SEMA5B: variants seen among roughly 807,000 people sequenced by gnomAD.
SEMA5B encodes the protein semaphorin-5B.
SEMA5B carries 66 observed loss-of-function variants against 135.0 expected under a neutral mutation model. The observed-to-expected ratio is 0.49, with a 90% CI of 0.40 to 0.60. SEMA5B has a LOEUF of 0.60. SEMA5B is among the 20% of genes least tolerant of loss of function. The probability of loss-of-function intolerance (pLI) is 0.00; values close to 1 mark genes in which losing one functional copy is unlikely to be tolerated. For missense variants in SEMA5B, 1,501 were observed against 1,566.3 expected, an observed-to-expected ratio of 0.96 and a Z score of 0.70; for synonymous variants, 690 against 639.5, an observed-to-expected ratio of 1.08 and a Z score of -1.19.
At position 122,909,859 on chromosome 3, in the gene SEMA5B, C is replaced by A. The variant is rs1299622124; in HGVS notation, c.*284G>T. 2.9e-6 allele frequency: 1 copy of A among 350,476 alleles called. No individual in the cohort carries two copies. Among genetic ancestry groups the A allele is most frequent in the Non-Finnish European group, 5.2e-6 (1 of 193,290 alleles). The allele number at this position is 350,476 out of a possible 1,614,324, so 21.7% of individuals were successfully genotyped here. ...CCTCAAATGCCCAGTAGGTCCACAG[C>A]CCAGGCATGGCAGCATAGTGTCAGC... On this transcript the variant is annotated 3_prime_UTR_variant, in exon 23 of 23. Transcript: ENST00000357599.
intron 1 of SEMA5B, among the ~76,000 whole-genome samples, chr3:123,003,970 G>A (rs1263393724): frequency 6.6e-6 from 1 of 152,124 alleles, no homozygotes; most frequent in African/African-American, 2.4e-5. Context: ...GCTCTTTATT[G>A]ACAAAGAGGA....
chr3:122,935,733 C>G, intron 5 of SEMA5B, among the ~76,000 whole-genome samples: 1 of 108,032 alleles, frequency 9.3e-6, no homozygotes, highest in East Asian at 2.8e-4. Context: ...CTTTGTTGCC[C>G]AGGCTGGGGT....
chr3:122,993,572 CAA>C (rs1226230766), intron 1 of SEMA5B, among the ~76,000 whole-genome samples: 3 of 151,954 alleles, frequency 2.0e-5, no homozygotes, highest in Non-Finnish European at 4.4e-5. Flanking sequence ...TGCATGTGAG[CAA>C]GAGAGGAGGG....
At chr3:122,978,602 G>A (rs1941415013) in intron 1 of SEMA5B, among the ~76,000 whole-genome samples, 1 of 150,814 alleles carries the variant, frequency 6.6e-6, no homozygotes, top group African/African-American at 2.4e-5. Flanking sequence ...CTCGGTGGTG[G>A]GTTAGGTCCA....
At chr3:123,016,075 AG>A (rs1241433114) in intron 1 of SEMA5B, among the ~76,000 whole-genome samples, 1 of 152,082 alleles carries the variant, frequency 6.6e-6, no homozygotes, top group African/African-American at 2.4e-5. Flanking sequence ...CAGGAGGATG[AG>A]GGGTGGGAAG....
At chr3:123,019,302 AAAT>A (rs2107823259) in intron 1 of SEMA5B, among the ~76,000 whole-genome samples, 1 of 152,320 alleles carries the variant, frequency 6.6e-6, no homozygotes, top group South Asian at 2.1e-4. Flanking sequence ...GTGGAGATAA[AAAT>A]AATATGTGGG....
chr3:122,915,120 C>T (rs1937996887), intron 14 of SEMA5B, among the ~76,000 whole-genome samples: 1 of 152,194 alleles, frequency 6.6e-6, no homozygotes, highest in African/African-American at 2.4e-5. Flanking sequence ...CTTGCCTTGC[C>T]ATCATCCCAT....
chr3:122,976,003 G>T (rs749725058), intron 1 of SEMA5B: 3 of 1,534,412 alleles, frequency 2.0e-6, no homozygotes, highest in East Asian at 4.9e-5. Context: ...TGCCCACCTC[G>T]ATCCCTTCGC....
At chr3:122,943,324 G>A (rs944070881) in intron 4 of SEMA5B, 112 bp downstream of exon 4, 1 of 704,280 alleles carries the variant, frequency 1.4e-6, no homozygotes, top group East Asian at 2.7e-5. Context: ...CCAGCAGAGA[G>A]GATGGGGCCC....
At chr3:122,921,835 G>T in intron 12 of SEMA5B, 80 bp downstream of exon 12, 2 of 1,245,726 alleles carry the variant, frequency 1.6e-6, no homozygotes, top group Non-Finnish European at 2.2e-6. Context: ...ACCGACCCCA[G>T]GTCTCCCGGG....
At chr3:122,987,540 A>G (rs1442880346) in intron 1 of SEMA5B, among the ~76,000 whole-genome samples, 1 of 152,208 alleles carries the variant, frequency 6.6e-6, no homozygotes, top group East Asian at 1.9e-4. Context: ...ATGTTTGGGC[A>G]TTCTGCTCCT....
At chr3:123,002,145 C>G (rs991232348) in intron 1 of SEMA5B, among the ~76,000 whole-genome samples, 1 of 152,130 alleles carries the variant, frequency 6.6e-6, no homozygotes, top group Non-Finnish European at 1.5e-5. Flanking sequence ...GAGTGAAACC[C>G]ATTGGATCAT....
intron 1 of SEMA5B, among the ~76,000 whole-genome samples, chr3:122,984,797 G>A (rs564828663): frequency 6.6e-6 from 1 of 152,190 alleles, no homozygotes; most frequent in South Asian, 2.1e-4. Flanking sequence ...GAAGGAAAGA[G>A]GAAATTAGAT....
chr3:123,020,297 T>G (rs1299858602), intron 1 of SEMA5B, among the ~76,000 whole-genome samples: 1 of 152,228 alleles, frequency 6.6e-6, no homozygotes, highest in African/African-American at 2.4e-5. Flanking sequence ...GGGGAAATTA[T>G]CACAATATGC....
intron 22 of SEMA5B, 27 bp downstream of exon 22, chr3:122,910,813 A>C (rs758868820): frequency 2.5e-5 from 32 of 1,305,496 alleles, no homozygotes; most frequent in Non-Finnish European, 3.1e-5. Context: ...CCGTCTCAAA[A>C]AAAAAAAAAA....
At chr3:122,966,919 T>C (rs1004975695) in intron 1 of SEMA5B, among the ~76,000 whole-genome samples, 24 of 146,008 alleles carry the variant, frequency 1.6e-4, no homozygotes, top group African/African-American at 6.1e-4. Context: ...AGTTTCACTC[T>C]TGTGGCCCAG....
chr3:123,025,897 C>T (rs75573949), intron 1 of SEMA5B, among the ~76,000 whole-genome samples: 162 of 152,310 alleles, frequency 1.1e-3, no homozygotes, highest in Admixed American at 3.5e-3. Context: ...TTCAAATCTG[C>T]CCCCCTTTTC....
chr3:122,943,256 C>T (rs540792139), intron 4 of SEMA5B, among the ~76,000 whole-genome samples, 180 bp downstream of exon 4: 95 of 152,302 alleles, frequency 6.2e-4, no homozygotes, highest in Middle Eastern at 3.4e-3. Flanking sequence ...ACCCCCACCC[C>T]CACCCAGCCG....
chr3:122,929,454 C>T (rs1185488935), intron 5 of SEMA5B, among the ~76,000 whole-genome samples: 5 of 152,182 alleles, frequency 3.3e-5, no homozygotes, highest in Admixed American at 3.3e-4. Flanking sequence ...CCAGATGGCC[C>T]TCAACTCAGC....
Sources: allele counts gnomAD v4.1 joint callset (sites outside exome capture counted in the v4.1 genomes callset), GRCh38; gene constraint gnomAD v4.1.1; transcripts MANE v1.5; gene names NCBI Gene and HGNC (gene_info 2026-07-23, HGNC 2026-07-21).